ST8SIA5: variants seen among roughly 807,000 people sequenced by gnomAD.
ST8SIA5 encodes the protein alpha-2,8-sialyltransferase 8E.
ST8SIA5 carries 24 observed loss-of-function variants against 40.2 expected under a neutral mutation model. That is an observed-to-expected ratio of 0.60 (90% confidence interval 0.43 to 0.84). ST8SIA5 has a LOEUF of 0.84. Ranked by LOEUF, ST8SIA5 falls within the 40% of genes least tolerant of loss-of-function variation. The pLI is 0.00. For synonymous variants in ST8SIA5, 198 were observed against 201.8 expected (o/e 0.98, Z 0.16); for missense variants, 465 against 498.5 (o/e 0.93, Z 0.64).
intron 2 of ST8SIA5, among the ~76,000 whole-genome samples, 185 bp from the exon 3 acceptor site, chr18:46,692,440 G>C (rs568549116): frequency 6.6e-6 from 1 of 151,340 alleles, no homozygotes; most frequent in African/African-American, 2.4e-5. Flanking sequence ...GCCTCACACC[G>C]ATGTACAGGC....
At chr18:46,720,579 A>C (rs1380412390) in intron 1 of ST8SIA5, among the ~76,000 whole-genome samples, 1 of 152,182 alleles carries the variant, frequency 6.6e-6, no homozygotes, top group Admixed American at 6.5e-5. Flanking sequence ...ATCACCAGCA[A>C]CAAAAATGCA....
intron 1 of ST8SIA5, among the ~76,000 whole-genome samples, chr18:46,727,727 GAGCAGAGAAAGTATTCAAGCCCA>G (rs2039944570): frequency 6.6e-6 from 1 of 152,158 alleles, no homozygotes; most frequent in Admixed American, 6.5e-5. Flanking sequence ...ATATTGTGAA[GAGCAGAGAAAGTATTCAAGCCCA>G]AGCCCGGCGT....
At chr18:46,722,904 C>T (rs182609009) in intron 1 of ST8SIA5, 1 of 152,316 alleles carries the variant, frequency 6.6e-6, no homozygotes, top group Non-Finnish European at 1.5e-5. Flanking sequence ...AAAACTTTAA[C>T]AGTCAGAGAA....
chr18:46,686,308 C>G (rs2039447193), intron 4 of ST8SIA5, 22 bp from the exon 5 acceptor site: 1 of 1,608,306 alleles, frequency 6.2e-7, no homozygotes, highest in South Asian at 1.1e-5. Context: ...ACAGGCACAG[C>G]TGTCAGAGCC....
chr18:46,700,660 T>C (rs941009492), intron 2 of ST8SIA5, among the ~76,000 whole-genome samples: 2 of 152,152 alleles, frequency 1.3e-5, no homozygotes, highest in Non-Finnish European at 2.9e-5. Flanking sequence ...AGGTAACTAC[T>C]GTAGAAGAGG....
At chr18:46,742,110 T>TA (rs1568278935) in intron 1 of ST8SIA5, among the ~76,000 whole-genome samples, 2 of 150,210 alleles carry the variant, frequency 1.3e-5, no homozygotes, top group Non-Finnish European at 3.0e-5. Flanking sequence ...AAAAAATAAA[T>TA]AAATAAATAA....
rs2039331319 is a variant in ST8SIA5 at position 46,675,000 on chromosome 18, G to C, written c.*5042C>G. Reference sequence around the variant, plus strand: ...ACTTGGTAAAGAACCTGAAGTTTATGATACAGGTAGGCAATGGGCCCCACA... The same window carrying C: ...ACTTGGTAAAGAACCTGAAGTTTATCATACAGGTAGGCAATGGGCCCCACA... On this transcript the variant is annotated 3_prime_UTR_variant, in exon 7 of 7. Coordinates refer to ENST00000315087, the MANE Select transcript of ST8SIA5 (RefSeq NM_013305.6). The C allele has an allele frequency of 6.6e-6, 1 of 152,178 alleles. No individual in the cohort carries two copies. The highest frequency in any genetic ancestry group is 1.5e-5 in the Non-Finnish European group (1 of 68,050). 9.4% of individuals were successfully genotyped at this position (152,178 alleles called of 1,614,324 possible).
chr18:46,725,304 C>T (rs1293581668), intron 1 of ST8SIA5, among the ~76,000 whole-genome samples: 1 of 152,072 alleles, frequency 6.6e-6, no homozygotes, highest in Non-Finnish European at 1.5e-5. Flanking sequence ...AATCAATGTC[C>T]AGCCCAGGAG....
Position 46,671,789 on chromosome 18 carries a change from C to G in ST8SIA5, c.*8253G>C, listed in dbSNP as rs2039310743. Reference sequence around the variant, plus strand: ...ATGTTCAGAAAAAGAAAAGCTGGTACCTTTAAGAAGTCTCACGCCTGAGTC... The same window carrying G: ...ATGTTCAGAAAAAGAAAAGCTGGTAGCTTTAAGAAGTCTCACGCCTGAGTC... On this transcript the variant is annotated 3_prime_UTR_variant, in exon 7 of 7. Transcript: ENST00000315087. 6.6e-6 allele frequency: 1 copy of G among 152,216 alleles called. No homozygotes were observed. The highest frequency in any genetic ancestry group is 1.5e-5 in the Non-Finnish European group (1 of 68,060). The allele number at this position is 152,216 out of a possible 1,614,324, so 9.4% of individuals were successfully genotyped here.
At chr18:46,684,752 T>G (rs758761376) in intron 5 of ST8SIA5, among the ~76,000 whole-genome samples, 17 of 152,230 alleles carry the variant, frequency 1.1e-4, no homozygotes, top group Admixed American at 4.6e-4. Flanking sequence ...GTTCTCTTTG[T>G]GTTTCCAGCC....
At position 46,671,485 on chromosome 18, in the gene ST8SIA5, C is replaced by T. The variant is rs2039308924; in HGVS notation, c.*8557G>A. ...GTCTGCATCAGAAAACCAGGCTTTC[C>T]CCCAGGTGGACCAGACAGGTCCTCC... is the stretch of plus-strand genomic sequence containing the variant. On this transcript the variant is annotated 3_prime_UTR_variant, in exon 7 of 7. Coordinates refer to ENST00000315087, the MANE Select transcript of ST8SIA5 (RefSeq NM_013305.6). 6.6e-6 allele frequency: 1 copy of T among 152,290 alleles called. No homozygotes were observed. 9.4% of individuals were successfully genotyped at this position (152,290 alleles called of 1,614,324 possible).
intron 1 of ST8SIA5, among the ~76,000 whole-genome samples, chr18:46,742,021 G>T (rs1418726073): frequency 6.6e-6 from 1 of 151,834 alleles, no homozygotes; most frequent in Admixed American, 6.6e-5. Context: ...AGAATCACTT[G>T]AACCCAGGAG....
chr18:46,683,681 A>G (rs925504793), intron 5 of ST8SIA5, among the ~76,000 whole-genome samples: 1 of 151,900 alleles, frequency 6.6e-6, no homozygotes, highest in Non-Finnish European at 1.5e-5. Flanking sequence ...TGATCCAACC[A>G]TACCCCTCTC....
Position 46,698,232 on chromosome 18 carries a change from A to G in ST8SIA5, c.225-5977T>C, listed in dbSNP as rs893624120. Among the ~76,000 whole-genome samples, 4 of 151,936 alleles carry G rather than the reference A, an allele frequency of 2.6e-5. No individual in the cohort carries two copies. The East Asian group carries it at 7.7e-4, about 29-fold the overall frequency. ...CAAAACAACAACCCAACAACCCACC[A>G]CACCAACAATCAAAACAACAACCCA... is the stretch of plus-strand genomic sequence containing the variant. On this transcript the variant is annotated intron_variant, in intron 2 of 6. Coordinates refer to ENST00000315087, the MANE Select transcript of ST8SIA5 (RefSeq NM_013305.6).
intron 1 of ST8SIA5, among the ~76,000 whole-genome samples, chr18:46,705,261 A>G (rs1056108232): frequency 9.9e-5 from 15 of 152,152 alleles, no homozygotes; most frequent in South Asian, 2.1e-4. Context: ...GTCTACTTGC[A>G]GAACAGAACA....
intron 2 of ST8SIA5, 132 bp from the exon 3 acceptor site, chr18:46,692,387 G>T: frequency 1.4e-6 from 1 of 697,008 alleles, no homozygotes; most frequent in Non-Finnish European, 2.5e-6. Flanking sequence ...CATTGACCAT[G>T]TTTTCTTCTC....
chr18:46,710,425 C>CTCTCTCTTTCTTTTTCTTTTTCTT (rs2039718306), intron 1 of ST8SIA5, among the ~76,000 whole-genome samples: 1 of 108,438 alleles, frequency 9.2e-6, no homozygotes, highest in South Asian at 2.9e-4. Flanking sequence ...CTTTTTCTTT[C>CTCTCTCTTTCTTTTTCTTTTTCTT]TCTCTCTTTC....
At chr18:46,680,827 C>A (rs1484116841) in intron 6 of ST8SIA5, among the ~76,000 whole-genome samples, 1 of 152,148 alleles carries the variant, frequency 6.6e-6, no homozygotes, top group Admixed American at 6.5e-5. Flanking sequence ...GAAGTGGCTG[C>A]GGGAGTGGAG....
At chr18:46,719,658 TTCTA>T (rs570332271) in intron 1 of ST8SIA5, among the ~76,000 whole-genome samples, 2 of 66,332 alleles carry the variant, frequency 3.0e-5, no homozygotes, top group African/African-American at 9.7e-5. Context: ...TGACTCGCCT[TTCTA>T]TCTTTCTCTT....
Sources: gnomAD v4.1 joint callset for allele counts (sites outside exome capture counted in the v4.1 genomes callset) on GRCh38, gnomAD v4.1.1 for gene constraint, MANE v1.5 for transcripts, NCBI Gene and HGNC (gene_info 2026-07-23, HGNC 2026-07-21) for gene names.